HNRNPC: variants seen among roughly 807,000 people sequenced by gnomAD.
HNRNPC encodes the protein heterogeneous nuclear ribonucleoproteins C1/C2.
HNRNPC carries 3 observed loss-of-function variants against 33.2 expected under a neutral mutation model. The ratio of observed to expected loss-of-function variants is 0.09; its 90% CI spans 0.04 to 0.23. The LOEUF is 0.23. HNRNPC is among the 10% of genes least tolerant of loss of function. The pLI is 1.00. For synonymous variants in HNRNPC, 121 were observed against 126.7 expected, an observed-to-expected ratio of 0.96 and a Z score of 0.30; for missense variants, 143 against 366.7, an observed-to-expected ratio of 0.39 and a Z score of 4.98.
chr14:21,212,707 A>T (rs908595193), intron 6 of HNRNPC, among the ~76,000 whole-genome samples: 1 of 151,968 alleles, frequency 6.6e-6, no homozygotes, highest in African/African-American at 2.4e-5. Context: ...CATCCCCGGC[A>T]AATTTTTTGT....
intron 2 of HNRNPC, 102 bp from the exon 3 acceptor site, chr14:21,234,331 A>C (rs1320160254): frequency 1.9e-6 from 2 of 1,029,728 alleles, no homozygotes; most frequent in African/African-American, 3.3e-5. Flanking sequence ...AACTGCCCAG[A>C]GTATTAGGCA....
intron 2 of HNRNPC, among the ~76,000 whole-genome samples, chr14:21,237,222 A>G (rs1894795858): frequency 6.6e-6 from 1 of 152,208 alleles, no homozygotes; most frequent in Non-Finnish European, 1.5e-5. Flanking sequence ...CCAAAAGGTA[A>G]CAACCATTAT....
rs773798550 is a variant in HNRNPC, at chr14:21,212,940, C to T, written c.523+20G>A. 7 of 1,612,990 alleles carry T rather than the reference C, an allele frequency of 4.3e-6. No homozygotes were observed. Among genetic ancestry groups the T allele is most frequent in the Non-Finnish European group, 5.9e-6 (7 of 1,179,708 alleles). On this transcript the variant is annotated intron_variant, in intron 6 of 8. Coordinates refer to ENST00000553300, the MANE Select transcript of HNRNPC (RefSeq NM_004500.4). Reference sequence around the variant, plus strand: ...CAAAACACAAGAGATACCAAAATCACAAAATGAAATAATACATACACTTTC... The same window carrying T: ...CAAAACACAAGAGATACCAAAATCATAAAATGAAATAATACATACACTTTC...
intron 2 of HNRNPC, among the ~76,000 whole-genome samples, chr14:21,260,627 T>C (rs1203471049): frequency 6.6e-6 from 1 of 151,954 alleles, no homozygotes; most frequent in Non-Finnish European, 1.5e-5. Flanking sequence ...GAGACCATCC[T>C]GGCCAACATG....
intron 5 of HNRNPC, among the ~76,000 whole-genome samples, chr14:21,225,398 C>G (rs1893306081): frequency 6.6e-6 from 1 of 151,564 alleles, no homozygotes; most frequent in Non-Finnish European, 1.5e-5. Flanking sequence ...AGCCACTGCA[C>G]TCCAGCCTGG....
chr14:21,258,310 A>G (rs1877573815), intron 2 of HNRNPC, among the ~76,000 whole-genome samples: 1 of 151,994 alleles, frequency 6.6e-6, no homozygotes, highest in African/African-American at 2.4e-5. Flanking sequence ...GAATCGCTTG[A>G]ACCCAGGAGG....
At chr14:21,259,472 A>G (rs567063278) in intron 2 of HNRNPC, among the ~76,000 whole-genome samples, 2 of 152,296 alleles carry the variant, frequency 1.3e-5, no homozygotes, top group African/African-American at 4.8e-5. Context: ...TACTTAATAA[A>G]ACATCTTATA....
chr14:21,227,368 T>C (rs1480610349), intron 5 of HNRNPC, among the ~76,000 whole-genome samples: 1 of 152,234 alleles, frequency 6.6e-6, no homozygotes, highest in Non-Finnish European at 1.5e-5. Context: ...GTCAGCTCTT[T>C]GCCAGCTATT....
rs922611153 is a variant in HNRNPC at position 21,211,043 on chromosome 14, G to C, written c.*180C>G. On this transcript the variant is annotated 3_prime_UTR_variant, in exon 9 of 9. Transcript: ENST00000553300. ...AAAACTACTAGGAGCGTCAAAGGAAGTGAAAATGGGACTAGGCGCGGGGCA... is the reference window on the plus strand; with the variant it reads ...AAAACTACTAGGAGCGTCAAAGGAACTGAAAATGGGACTAGGCGCGGGGCA... 1.9e-4 allele frequency: 126 copies of C among 652,988 alleles called. No homozygotes were observed. Among genetic ancestry groups the C allele is most frequent in the Non-Finnish European group, 2.9e-4 (109 of 381,918 alleles). 40.4% of individuals were successfully genotyped at this position (652,988 alleles called of 1,614,324 possible). A position where few individuals can be genotyped will look rare whatever the true frequency, so the allele number is the denominator to read the frequency against.
intron 6 of HNRNPC, among the ~76,000 whole-genome samples, chr14:21,212,393 C>G (rs536448162): frequency 6.6e-6 from 1 of 152,268 alleles, no homozygotes; most frequent in South Asian, 2.1e-4. Context: ...TGAACACTGT[C>G]TGAATTTTAG....
In HNRNPC at chr14:21,220,654, C is replaced by T. The variant is rs188125427; in HGVS notation, c.366-7537G>A. On this transcript the variant is annotated intron_variant, in intron 5 of 8. Coordinates refer to ENST00000553300, the MANE Select transcript of HNRNPC (RefSeq NM_004500.4). ...AGGAAATAATAATCCATAAATCACA[C>T]AATCAACAACGTGTAACAAACCGAA... Among the ~76,000 whole-genome samples, 408 of 152,252 alleles carry T rather than the reference C, an allele frequency of 2.7e-3. 3 individuals are homozygous for T. The highest frequency in any genetic ancestry group is 9.4e-3 in the African/African-American group (389 of 41,528).
intron 5 of HNRNPC, among the ~76,000 whole-genome samples, chr14:21,219,095 C>T (rs542542229): frequency 1.7e-4 from 22 of 127,434 alleles, no homozygotes; most frequent in Admixed American, 1.7e-3. Flanking sequence ...GGGAACAGAG[C>T]GAGACTCTTT....
intron 2 of HNRNPC, among the ~76,000 whole-genome samples, chr14:21,237,232 T>G (rs756184874): frequency 1.2e-4 from 19 of 152,236 alleles, no homozygotes; most frequent in Non-Finnish European, 2.6e-4. Context: ...ACAACCATTA[T>G]GACTTTACTA....
At chr14:21,266,197 G>C (rs1878951441) in intron 1 of HNRNPC, among the ~76,000 whole-genome samples, 1 of 152,156 alleles carries the variant, frequency 6.6e-6, no homozygotes, top group Admixed American at 6.5e-5. Flanking sequence ...CCACCTCCCA[G>C]GTTCAAGCGA....
chr14:21,222,909 CA>C (rs1892992592), intron 5 of HNRNPC, among the ~76,000 whole-genome samples: 1 of 150,444 alleles, frequency 6.6e-6, no homozygotes, highest in Non-Finnish European at 1.5e-5. Context: ...AAAACCAAAA[CA>C]AAAACACCAG....
intron 5 of HNRNPC, among the ~76,000 whole-genome samples, chr14:21,216,117 C>T (rs1320666194): frequency 1.1e-4 from 12 of 109,206 alleles, no homozygotes; most frequent in African/African-American, 4.0e-4. Context: ...TCTCCTCCAC[C>T]ACCAAAAAAA....
chr14:21,260,994 TTA>T (rs1264014471), intron 2 of HNRNPC, among the ~76,000 whole-genome samples: 5 of 143,546 alleles, frequency 3.5e-5, no homozygotes, highest in Admixed American at 6.8e-5. Context: ...TGGGGTCTCA[TTA>T]TGTTGCCCAG....
rs1056795363 is a variant in HNRNPC at position 21,230,580 on chromosome 14, T to C, written c.318-214A>G. 4 of 547,884 alleles carry C rather than the reference T, an allele frequency of 7.3e-6. No individual in the cohort carries two copies. In the African/African-American group the frequency reaches 7.6e-5, roughly 10 times the overall value. 33.9% of individuals were successfully genotyped at this position (547,884 alleles called of 1,614,324 possible). A position where few individuals can be genotyped will look rare whatever the true frequency, so the allele number is the denominator to read the frequency against. ...GTCAAATTGGAAATTCAGGTTAAAA[T>C]TCGCTAAGATTTCCACATACGACAT... On this transcript the variant is annotated intron_variant, in intron 4 of 8. Coordinates refer to ENST00000553300, the MANE Select transcript of HNRNPC (RefSeq NM_004500.4).
intron 2 of HNRNPC, among the ~76,000 whole-genome samples, chr14:21,235,377 A>G (rs909414567): frequency 6.6e-6 from 1 of 152,150 alleles, no homozygotes; most frequent in African/African-American, 2.4e-5. Context: ...AAAAAAGTCT[A>G]ATGTATACAT....
Sources: gnomAD v4.1 joint callset for allele counts (sites outside exome capture counted in the v4.1 genomes callset) on GRCh38, gnomAD v4.1.1 for gene constraint, MANE v1.5 for transcripts, NCBI Gene and HGNC (gene_info 2026-07-23, HGNC 2026-07-21) for gene names.